Variants in NCKAP5 observed in about 807,000 individuals in gnomAD.
NCKAP5 encodes the protein nck-associated protein 5.
NCKAP5 carries 92 observed loss-of-function variants against 167.0 expected under a neutral mutation model. The ratio of observed to expected loss-of-function variants is 0.55; its 90% CI spans 0.47 to 0.66. The LOEUF (loss-of-function observed/expected upper bound fraction) is 0.66. Among genes scored for constraint, NCKAP5 ranks in the 30% least tolerant of loss-of-function variants. NCKAP5 has a pLI of 0.00. For synonymous variants in NCKAP5, 891 were observed against 877.4 expected (o/e 1.02, Z -0.27); for missense variants, 2,378 against 2,315.0 (o/e 1.03, Z -0.56).
intron 8 of NCKAP5, among the ~76,000 whole-genome samples, chr2:132,936,080 C>T (rs1423580816): frequency 6.6e-6 from 1 of 151,376 alleles, no homozygotes; most frequent in African/African-American, 2.4e-5. Context: ...CTCCCAGATG[C>T]AAATGGCTCT....
intron 16 of NCKAP5, among the ~76,000 whole-genome samples, chr2:132,763,544 T>C (rs1333356155): frequency 2.0e-5 from 3 of 152,176 alleles, no homozygotes; most frequent in South Asian, 2.1e-4. Context: ...ATTTAATTAA[T>C]ATGGGGTGTG....
chr2:133,467,626 G>A (rs184756829), intron 3 of NCKAP5, among the ~76,000 whole-genome samples: 2 of 150,422 alleles, frequency 1.3e-5, no homozygotes, highest in East Asian at 2.0e-4. Context: ...TTCAGCTATG[G>A]ATCCATCTGG....
At chr2:133,459,412 G>T (rs140515737) in intron 3 of NCKAP5, among the ~76,000 whole-genome samples, 2 of 152,194 alleles carry the variant, frequency 1.3e-5, no homozygotes, top group South Asian at 2.1e-4. Flanking sequence ...TTATATGAGT[G>T]TAAGGTTCTT....
chr2:133,644,819 T>A, the NCKAP5 span, among the ~76,000 whole-genome samples: 4 of 152,178 alleles, frequency 2.6e-5, no homozygotes, highest in Admixed American at 6.5e-5. Flanking sequence ...CAATACATGT[T>A]ATATCGTTTA....
At chr2:133,476,030 A>G (rs1310258409) in intron 3 of NCKAP5, among the ~76,000 whole-genome samples, 1 of 152,248 alleles carries the variant, frequency 6.6e-6, no homozygotes, top group Non-Finnish European at 1.5e-5. Context: ...AAGTCAAACC[A>G]GAAGATTCTT....
At chr2:133,493,970 C>T (rs1681699706) in intron 3 of NCKAP5, among the ~76,000 whole-genome samples, 1 of 152,224 alleles carries the variant, frequency 6.6e-6, no homozygotes, top group African/African-American at 2.4e-5. Context: ...GAGGTCAAGA[C>T]TTTCTTGCTT....
chr2:132,730,414 G>C (rs1690882018), intron 17 of NCKAP5, among the ~76,000 whole-genome samples: 1 of 152,214 alleles, frequency 6.6e-6, no homozygotes, highest in Admixed American at 6.5e-5. Flanking sequence ...AGACTCAGCT[G>C]AATCCAGGAA....
chr2:132,677,793 C>T (rs1024704238), intron 19 of NCKAP5, among the ~76,000 whole-genome samples: 4 of 151,952 alleles, frequency 2.6e-5, no homozygotes, highest in Non-Finnish European at 4.4e-5. Flanking sequence ...AGTATCAGCC[C>T]GTACATGGGT....
chr2:133,121,424 G>T (rs1275740568), intron 6 of NCKAP5, among the ~76,000 whole-genome samples: 2 of 152,086 alleles, frequency 1.3e-5, no homozygotes, highest in Non-Finnish European at 1.5e-5. Flanking sequence ...AAAGATAAAG[G>T]TTGAGGCTGA....
chr2:133,466,347 C>G (rs1435953031), intron 3 of NCKAP5, among the ~76,000 whole-genome samples: 10 of 150,096 alleles, frequency 6.7e-5, no homozygotes, highest in Non-Finnish European at 1.2e-4. Flanking sequence ...TCTGAGGGCT[C>G]TGTTCTGTTC....
chr2:133,228,067 A>T (rs1450306770), intron 4 of NCKAP5, among the ~76,000 whole-genome samples: 1 of 152,170 alleles, frequency 6.6e-6, no homozygotes, highest in Non-Finnish European at 1.5e-5. Context: ...TCTCTGGAGT[A>T]AGATCCTGAT....
chr2:133,625,888 GAAT>G, the NCKAP5 span, among the ~76,000 whole-genome samples: 1 of 138,576 alleles, frequency 7.2e-6, no homozygotes, highest in East Asian at 2.0e-4. Context: ...AAAAAAAAAA[GAAT>G]AATAAGTGCA....
At chr2:132,811,944 T>G (rs1421189989) in intron 11 of NCKAP5, among the ~76,000 whole-genome samples, 1 of 152,162 alleles carries the variant, frequency 6.6e-6, no homozygotes, top group African/African-American at 2.4e-5. Context: ...TCCCAGGGCC[T>G]TTCTGCTGCT....
At chr2:133,309,337 C>A (rs1179953595) in intron 3 of NCKAP5, among the ~76,000 whole-genome samples, 1 of 152,120 alleles carries the variant, frequency 6.6e-6, no homozygotes, top group African/African-American at 2.4e-5. Flanking sequence ...AAAGCTTGAT[C>A]TGAAATACCA....
intron 8 of NCKAP5, among the ~76,000 whole-genome samples, chr2:132,959,619 C>A (rs1230738511): frequency 6.6e-6 from 1 of 152,106 alleles, no homozygotes; most frequent in Non-Finnish European, 1.5e-5. Flanking sequence ...ATGCCATGAG[C>A]AAATCTGGGG....
rs556456699 is a variant in NCKAP5 at position 132,958,173 on chromosome 2, T to C, written c.579+5547A>G. On this transcript the variant is annotated intron_variant, in intron 8 of 19. Coordinates refer to ENST00000409261, the MANE Select transcript of NCKAP5 (RefSeq NM_207363.3). ...CAGGGTTACGAACATGAAAATAGCA[T>C]ATATAAACATAAATGGTAATCAGAA... Among the ~76,000 whole-genome samples, 4 of 152,272 alleles carry C rather than the reference T, an allele frequency of 2.6e-5. No individual in the cohort carries two copies. In the East Asian group the frequency reaches 7.7e-4, roughly 29 times the overall value.
chr2:133,422,536 C>G (rs1419428829), intron 3 of NCKAP5, among the ~76,000 whole-genome samples: 3 of 152,094 alleles, frequency 2.0e-5, no homozygotes, highest in Non-Finnish European at 2.9e-5. Flanking sequence ...TTTTCAGGAC[C>G]AAGAAAAGAA....
intron 14 of NCKAP5, 95 bp downstream of exon 14, chr2:132,781,845 G>T (rs1683058874): frequency 8.5e-7 from 1 of 1,182,636 alleles, no homozygotes; most frequent in Non-Finnish European, 1.2e-6. Flanking sequence ...GAAAAAACAT[G>T]CTTGACTGGC....
At chr2:132,823,490 T>A (rs1686909245) in intron 11 of NCKAP5, among the ~76,000 whole-genome samples, 1 of 152,048 alleles carries the variant, frequency 6.6e-6, no homozygotes, top group Non-Finnish European at 1.5e-5. Flanking sequence ...CTTTTTCAGA[T>A]AAATAAATAC....
Sources: allele counts gnomAD v4.1 joint callset (sites outside exome capture counted in the v4.1 genomes callset), GRCh38; gene constraint gnomAD v4.1.1; transcripts MANE v1.5; gene names NCBI Gene and HGNC (gene_info 2026-07-23, HGNC 2026-07-21).